CA6: variants seen among roughly 807,000 people sequenced by gnomAD.
The protein encoded by CA6 is carbonic anhydrase 6.
A neutral mutation model predicts 35.9 loss-of-function variants in CA6; 28 were observed. The observed-to-expected ratio is 0.78, with a 90% CI of 0.58 to 1.07. CA6 has a LOEUF of 1.07. CA6 is among the 50% of genes least tolerant of loss of function. CA6 has a pLI of 0.00. For missense variants in CA6, 377 were observed against 382.0 expected (o/e 0.99, Z 0.11); for synonymous variants, 148 against 152.6 (o/e 0.97, Z 0.22).
At chr1:8,973,458 C>G (rs137912226) in intron 7 of CA6, among the ~76,000 whole-genome samples, 2 of 152,222 alleles carry the variant, frequency 1.3e-5, no homozygotes, top group Non-Finnish European at 2.9e-5. Flanking sequence ...CAGCGTCACT[C>G]TAGCATCTCC....
Position 8,958,897 on chromosome 1 carries a change from C to T in CA6, c.409-13C>T. On this transcript the variant is annotated splice_polypyrimidine_tract_variant and intron_variant, in intron 3 of 7. Coordinates refer to ENST00000377443, the MANE Select transcript of CA6 (RefSeq NM_001215.4). ...ATGAACTGCCCTTGACCCACTCTAC[C>T]TTGCTCTTACAGATTCACATTGTTC... 1 of 1,489,228 alleles carries T rather than the reference C, an allele frequency of 6.7e-7. No homozygotes were observed. 92.3% of individuals were successfully genotyped at this position (1,489,228 alleles called of 1,614,324 possible).
chr1:8,960,789 CA>C (rs1639821422), intron 4 of CA6, among the ~76,000 whole-genome samples: 1 of 116,878 alleles, frequency 8.6e-6, no homozygotes, highest in African/African-American at 3.3e-5. Context: ...CACACACACA[CA>C]TATATATAAT....
intron 4 of CA6, 43 bp downstream of exon 4, chr1:8,959,045 G>A (rs756174025): frequency 6.9e-6 from 8 of 1,167,224 alleles, no homozygotes; most frequent in Non-Finnish European, 1.0e-5. Flanking sequence ...TGAAGTTATA[G>A]GTTGATGTCC....
intron 1 of CA6, among the ~76,000 whole-genome samples, chr1:8,946,481 A>C (rs1337693549): frequency 1.3e-5 from 2 of 152,184 alleles, no homozygotes; most frequent in African/African-American, 4.8e-5. Context: ...AATAAGGAAA[A>C]GAAGGAAATA....
chr1:8,962,634 T>A lies in CA6; in HGVS notation c.549T>A (p.His183Gln), dbSNP rs1233973559. 1 of 1,613,748 alleles carries A rather than the reference T, an allele frequency of 6.2e-7. No homozygotes were observed. The highest frequency in any genetic ancestry group is 8.5e-7 in the Non-Finnish European group (1 of 1,179,796). ...ENTYYSNFIS[H>Q]LANIKYPGQR... is the part of the protein sequence containing the mutation. ...CTTATTACAGCAACTTCATTTCTCA[T>A]CTGGCCAACATCAAGTACCCAGGTA... The change falls in exon 5 of 8, where the codon CAT becomes CAA. Residue 183 changes from histidine to glutamine, a missense_variant. His to Gln is a conservative substitution (Grantham distance 24). Coordinates refer to ENST00000377443, the MANE Select transcript of CA6 (RefSeq NM_001215.4).
chr1:8,951,088 T>G (rs963905655), intron 2 of CA6, among the ~76,000 whole-genome samples: 1 of 151,952 alleles, frequency 6.6e-6, no homozygotes, highest in Non-Finnish European at 1.5e-5. Context: ...TGGTGGCGCA[T>G]GCCTGTAATC....
At chr1:8,974,430 A>G in intron 7 of CA6, 192 bp from the exon 8 acceptor site, 4 of 1,529,496 alleles carry the variant, frequency 2.6e-6, no homozygotes, top group Non-Finnish European at 3.5e-6. Flanking sequence ...GGCTCTGGGC[A>G]GCTTAGAAGC....
At position 8,957,223 on chromosome 1, in the gene CA6, G is replaced by A; in HGVS notation, c.346G>A (p.Gly116Ser). The change falls in exon 3 of 8, where the codon GGT (glycine) becomes AGT (serine). Residue 116 changes from glycine (G) to serine (S), a missense_variant. Coordinates refer to ENST00000377443, the MANE Select transcript of CA6 (RefSeq NM_001215.4). The stretch of plus-strand genomic sequence containing the variant: ...CCAGCAGATGCACTTTCACTGGGGA[G>A]GTGCGTCCTCGGAGATCAGCGGCTC... ...IAQQMHFHWGGASSEISGSEH... is the reference protein window; with the variant it reads ...IAQQMHFHWGSASSEISGSEH... 1 of 1,614,064 alleles carries A rather than the reference G, an allele frequency of 6.2e-7. No homozygotes were observed. The highest frequency in any genetic ancestry group is 8.5e-7 in the Non-Finnish European group (1 of 1,179,946).
intron 7 of CA6, among the ~76,000 whole-genome samples, chr1:8,972,326 T>G (rs1640130293): frequency 6.6e-6 from 1 of 152,090 alleles, no homozygotes; most frequent in Admixed American, 6.6e-5. Context: ...GCTGGGATTA[T>G]AAGCACGAGC....
At chr1:8,953,619 CTCAA>C (rs1299135556) in intron 2 of CA6, among the ~76,000 whole-genome samples, 3 of 139,544 alleles carry the variant, frequency 2.1e-5, no homozygotes, top group Admixed American at 7.2e-5. Flanking sequence ...AAGACCTTCT[CTCAA>C]TCAATCAATC....
At chr1:8,951,151 G>A (rs930091683) in intron 2 of CA6, among the ~76,000 whole-genome samples, 1 of 134,996 alleles carries the variant, frequency 7.4e-6, no homozygotes, top group African/African-American at 2.5e-5. Context: ...AGGAGGCAGA[G>A]GTTGCAGTGA....
Position 8,949,378 on chromosome 1 carries a change from G to A in CA6, c.195G>A (p.Gly65=). 6.2e-7 allele frequency: 1 copy of A among 1,613,434 alleles called. No individual in the cohort carries two copies. The highest frequency in any genetic ancestry group is 8.5e-7 in the Non-Finnish European group (1 of 1,179,684). ...TGCGGTACAACCCCTCCTTGAAGGG[G>A]CTCAATATGACAGGCTATGAGACCC... ...TKVRYNPSLK[G]LNMTGYETQA... The change falls in exon 2 of 8, where the codon GGG becomes GGA. Residue 65 remains glycine, a synonymous_variant. Coordinates refer to ENST00000377443, the MANE Select transcript of CA6 (RefSeq NM_001215.4).
Position 8,970,968 on chromosome 1 carries a change from C to T in CA6, c.831C>T (p.Asn277=). 6.2e-7 allele frequency: 1 copy of T among 1,610,718 alleles called. No individual in the cohort carries two copies. Among genetic ancestry groups the T allele is most frequent in the Non-Finnish European group, 8.5e-7 (1 of 1,176,932 alleles). The part of the protein sequence containing the change: ...QPLNHRVVES[N]FPNQEYTLGS... ...TGAACCACAGAGTGGTGGAATCCAA[C>T]TTCCCGAATCAGGGTGAGTGAGACC... Residue 277 remains asparagine, a synonymous_variant, in exon 7 of 8, where the codon AAC becomes AAT. Transcript: ENST00000377443.
At chr1:8,957,929 G>A (rs1238099208) in intron 3 of CA6, among the ~76,000 whole-genome samples, 1 of 152,108 alleles carries the variant, frequency 6.6e-6, no homozygotes, top group Non-Finnish European at 1.5e-5. Flanking sequence ...CTGCACTCCA[G>A]TCTGAGCAAC....
Position 8,958,402 on chromosome 1 carries a change from A to C in CA6, c.409-508A>C, listed in dbSNP as rs188929969. ...AGGCTGGTCTCAAACTCCTGACCTC[A>C]AGTGATCCACCCGCCTCGGCCTCCC... On this transcript the variant is annotated intron_variant, in intron 3 of 7. Transcript: ENST00000377443. 3.9e-3 allele frequency among the ~76,000 whole-genome samples: 601 copies of C among 152,228 alleles called. 14 individuals are homozygous for C. The highest frequency in any genetic ancestry group is 8.4e-4 in the Non-Finnish European group (57 of 68,010).
At chr1:8,960,043 C>T (rs1198627083) in intron 4 of CA6, among the ~76,000 whole-genome samples, 1 of 151,154 alleles carries the variant, frequency 6.6e-6, no homozygotes, top group Non-Finnish European at 1.5e-5. Flanking sequence ...ACCAGCCTGA[C>T]CAACATGGGG....
rs182474202 is a variant in CA6, at chr1:8,962,412, G to A, written c.502-175G>A. The stretch of plus-strand genomic sequence containing the variant: ...TCTGGAAGGACTCATGAACCTGCGT[G>A]GTTGGTAGCAAAGAACAGCCAGACT... On this transcript the variant is annotated intron_variant, in intron 4 of 7. Transcript: ENST00000377443. Among the ~76,000 whole-genome samples the A allele has an allele frequency of 3.9e-5, 6 of 152,202 alleles. No individual in the cohort carries two copies. In the East Asian group the frequency reaches 1.2e-3, roughly 29 times the overall value.
intron 7 of CA6, 91 bp from the exon 8 acceptor site, chr1:8,974,531 A>G: frequency 7.1e-7 from 1 of 1,413,588 alleles, no homozygotes; most frequent in Admixed American, 2.1e-5. Flanking sequence ...CAAAAATACG[A>G]TGCGGGTATG....
intron 6 of CA6, among the ~76,000 whole-genome samples, chr1:8,970,242 A>T (rs1336594028): frequency 6.7e-6 from 1 of 149,982 alleles, no homozygotes; most frequent in Non-Finnish European, 1.5e-5. Flanking sequence ...AAAACCTGAC[A>T]TTTTCAGAAA....
Sources: allele counts gnomAD v4.1 joint callset (sites outside exome capture counted in the v4.1 genomes callset), GRCh38; gene constraint gnomAD v4.1.1; transcripts MANE v1.5; gene names NCBI Gene and HGNC (gene_info 2026-07-23, HGNC 2026-07-21).